The following TACR2 variants were observed in gnomAD, a reference collection of about 807,000 sequenced individuals.
The protein encoded by TACR2 is substance-K receptor.
A neutral mutation model predicts 28.9 loss-of-function variants in TACR2; 24 were observed. The ratio of observed to expected loss-of-function variants is 0.83; its 90% confidence interval spans 0.60 to 1.17. TACR2 has a LOEUF of 1.17. Ranked by LOEUF, TACR2 falls within the 50% of genes most tolerant of loss-of-function variation. The pLI is 0.00. For missense variants in TACR2, 487 were observed against 524.4 expected (o/e 0.93, Z 0.70); for synonymous variants, 222 against 212.6 (o/e 1.04, Z -0.38).
chr10:69,407,047 C>A (rs199769434), intron 4 of TACR2, 37 bp downstream of exon 4: 4 of 1,608,884 alleles, frequency 2.5e-6, no homozygotes, highest in Non-Finnish European at 3.4e-6. Context: ...GCAGTGGGGC[C>A]CTGAGGGCAG....
intron 2 of TACR2, among the ~76,000 whole-genome samples, chr10:69,412,905 A>G (rs1241083087): frequency 6.6e-6 from 1 of 152,150 alleles, no homozygotes; most frequent in East Asian, 1.9e-4. Flanking sequence ...ATCTTGGCTC[A>G]CTGCAACCTC....
At chr10:69,412,715 C>T (rs916602083) in intron 2 of TACR2, among the ~76,000 whole-genome samples, 1 of 152,196 alleles carries the variant, frequency 6.6e-6, no homozygotes, top group Non-Finnish European at 1.5e-5. Flanking sequence ...CTAAGTCCTT[C>T]CTTAGCAGGA....
intron 4 of TACR2, 58 bp from the exon 5 acceptor site, chr10:69,405,142 G>A: frequency 7.0e-7 from 1 of 1,434,642 alleles, no homozygotes. Flanking sequence ...GCTGTGATGT[G>A]ACTGCCCCCA....
chr10:69,405,320 T>C (rs1840492441), intron 4 of TACR2, among the ~76,000 whole-genome samples: 1 of 152,178 alleles, frequency 6.6e-6, no homozygotes, highest in African/African-American at 2.4e-5. Flanking sequence ...ACTAAGCTGA[T>C]TTAGGTCATC....
rs1840484806 is a variant in TACR2 at position 69,404,676 on chromosome 10, C to G, written c.*150G>C. On this transcript the variant is annotated 3_prime_UTR_variant, in exon 5 of 5. Coordinates refer to ENST00000373306, the MANE Select transcript of TACR2 (RefSeq NM_001057.3). Reference sequence around the variant, plus strand: ...GGAAACTGAGGACACCACACTCTTTCTAACAACTTGTTATTTTGGGAACTA... The same window carrying G: ...GGAAACTGAGGACACCACACTCTTTGTAACAACTTGTTATTTTGGGAACTA... The G allele has an allele frequency of 6.3e-6, 3 of 476,286 alleles. No homozygotes were observed. In the South Asian group the frequency reaches 1.3e-4, roughly 21 times the overall value. The allele number at this position is 476,286 out of a possible 1,614,324, so 29.5% of individuals were successfully genotyped here. A position where few individuals can be genotyped will look rare whatever the true frequency, so the allele number is the denominator to read the frequency against.
chr10:69,414,849 A>G (rs1043112454), intron 2 of TACR2, 96 bp downstream of exon 2: 9 of 1,348,450 alleles, frequency 6.7e-6, no homozygotes, highest in Non-Finnish European at 3.1e-6. Flanking sequence ...CACACCACAC[A>G]TGCATGGACA....
At position 69,416,622 on chromosome 10, in the gene TACR2, C is replaced by G. The variant is rs1181604417; in HGVS notation, c.-299G>C. 2 of 324,840 alleles carry G rather than the reference C, an allele frequency of 6.2e-6. No individual in the cohort carries two copies. Among genetic ancestry groups the G allele is most frequent in the Non-Finnish European group, 1.1e-5 (2 of 178,294 alleles). The allele number at this position is 324,840 out of a possible 1,614,324, so 20.1% of individuals were successfully genotyped here. On this transcript the variant is annotated 5_prime_UTR_variant, in exon 1 of 5. Coordinates refer to ENST00000373306, the MANE Select transcript of TACR2 (RefSeq NM_001057.3). ...AATCACAGTGTCAGAGCAGAAAACA[C>G]CCTTATAAATCAACCCCTTCGCTGA...
chr10:69,405,592 T>A (rs1331903449), intron 4 of TACR2, among the ~76,000 whole-genome samples: 1 of 152,054 alleles, frequency 6.6e-6, no homozygotes, highest in African/African-American at 2.4e-5. Flanking sequence ...CAAACAGCTC[T>A]CCCCATGGCA....
Position 69,408,934 on chromosome 10 carries a change from C to T in TACR2, c.729G>A (p.Gln243=), listed in dbSNP as rs1840533239. The T allele has an allele frequency of 1.9e-5, 28 of 1,502,592 alleles. No homozygotes were observed. Among genetic ancestry groups the T allele is most frequent in the East Asian group, 2.7e-5 (1 of 36,574 alleles). The allele number at this position is 1,502,592 out of a possible 1,614,324, so 93.1% of individuals were successfully genotyped here. ...CCCCCGCGCCCACCTTCTTCATGGC[C>T]TGCAGGTGGCGCAGGTTGGCACCGT... ...QAHGANLRHL[Q]AMKKFVKTMV... is the part of the protein sequence containing the mutation. The change falls in exon 3 of 5, where the codon CAG becomes CAA. Residue 243 remains glutamine, a synonymous_variant. Transcript: ENST00000373306.
At chr10:69,409,113 G>T (rs751330420) in intron 2 of TACR2, 38 bp from the exon 3 acceptor site, 2 of 1,502,350 alleles carry the variant, frequency 1.3e-6, no homozygotes, top group Non-Finnish European at 8.9e-7. Context: ...CGGAGGGCCC[G>T]GGGGCGACTC....
rs764218938 is a variant in TACR2, at chr10:69,409,015, G to A, written c.648C>T (p.Ala216=). ...AGAGCGTGAGGCCGATGACGCTGTA[G>A]GCTACAAACATCACCGCGAGCGGCA... ...YFLPLAVMFV[A]YSVIGLTLWR... The change falls in exon 3 of 5, where the codon GCC becomes GCT. Residue 216 remains alanine, a synonymous_variant. Coordinates refer to ENST00000373306, the MANE Select transcript of TACR2 (RefSeq NM_001057.3). The A allele has an allele frequency of 6.2e-7, 1 of 1,608,550 alleles. No homozygotes were observed. The highest frequency in any genetic ancestry group is 1.1e-5 in the South Asian group (1 of 90,412).
intron 2 of TACR2, among the ~76,000 whole-genome samples, chr10:69,414,510 T>C (rs1392022463): frequency 2.0e-5 from 3 of 152,118 alleles, no homozygotes; most frequent in African/African-American, 4.8e-5. Flanking sequence ...GGGTGCATAT[T>C]TGAGTAGCAG....
At position 69,408,910 on chromosome 10, in the gene TACR2, C is replaced by G; in HGVS notation, c.741+12G>C. On this transcript the variant is annotated intron_variant, in intron 3 of 4. Transcript: ENST00000373306. Reference sequence around the variant, plus strand: ...GGCCCCGCCCCCTCCAGGCCCCCGCCCCCGCGCCCACCTTCTTCATGGCCT... The same window carrying G: ...GGCCCCGCCCCCTCCAGGCCCCCGCGCCCGCGCCCACCTTCTTCATGGCCT... The G allele has an allele frequency of 7.6e-7, 1 of 1,323,000 alleles. No individual in the cohort carries two copies. The highest frequency in any genetic ancestry group is 9.7e-7 in the Non-Finnish European group (1 of 1,027,522). The allele number at this position is 1,323,000 out of a possible 1,614,324, so 82.0% of individuals were successfully genotyped here.
In TACR2 at chr10:69,414,989, G is replaced by A. The variant is rs202196664; in HGVS notation, c.543C>T (p.Cys181=). Residue 181 remains cysteine (C), a synonymous_variant, in exon 2 of 5, where the codon TGC becomes TGT. Coordinates refer to ENST00000373306, the MANE Select transcript of TACR2 (RefSeq NM_001057.3). Reference sequence around the variant, plus strand: ...CGCTGTCTTCGGGCCAGGCCACCACGCACTTGGTGGCACCCTGGTCCATGG... The same window carrying A: ...CGCTGTCTTCGGGCCAGGCCACCACACACTTGGTGGCACCCTGGTCCATGG... ...TVTMDQGATK[C]VVAWPEDSGG... 17 of 1,613,654 alleles carry A rather than the reference G, an allele frequency of 1.1e-5. No homozygotes were observed. In the South Asian group the frequency reaches 1.4e-4, roughly 14 times the overall value.
At position 69,416,230 on chromosome 10, in the gene TACR2, G is replaced by T; in HGVS notation, c.94C>A (p.Gln32Lys). 1 of 1,613,984 alleles carries T rather than the reference G, an allele frequency of 6.2e-7. No individual in the cohort carries two copies. Residue 32 changes from glutamine (Q) to lysine (K), a missense_variant, in exon 1 of 5, where the codon CAA becomes AAA. Transcript: ENST00000373306. Reference protein sequence around the residue: ...GITAFSMPSWQLALWATAYLA... With the variant: ...GITAFSMPSWKLALWATAYLA... ...TAGGCTGTGGCCCACAGTGCCAGTT[G>T]CCAGCTGGGCATGGAGAAGGCTGTG...
intron 2 of TACR2, among the ~76,000 whole-genome samples, chr10:69,412,728 C>T (rs546993784): frequency 3.3e-5 from 5 of 152,168 alleles, no homozygotes; most frequent in Non-Finnish European, 5.9e-5. Context: ...TAGCAGGAGC[C>T]ACACTCCTCT....
At chr10:69,414,518 C>T (rs1840595294) in intron 2 of TACR2, among the ~76,000 whole-genome samples, 1 of 152,096 alleles carries the variant, frequency 6.6e-6, no homozygotes, top group African/African-American at 2.4e-5. Flanking sequence ...ATTTGAGTAG[C>T]AGAGTGGTGA....
chr10:69,405,511 C>CT (rs1840494386), intron 4 of TACR2, among the ~76,000 whole-genome samples: 1 of 152,178 alleles, frequency 6.6e-6, no homozygotes, highest in Non-Finnish European at 1.5e-5. Context: ...AACAAGGATG[C>CT]TTTTCCCAAG....
chr10:69,405,790 C>G (rs1362634008), intron 4 of TACR2, among the ~76,000 whole-genome samples: 1 of 152,200 alleles, frequency 6.6e-6, no homozygotes, highest in Admixed American at 6.5e-5. Flanking sequence ...GATCAACCCA[C>G]AGACACAGTG....
Sources: allele counts gnomAD v4.1 joint callset (sites outside exome capture counted in the v4.1 genomes callset), GRCh38; gene constraint gnomAD v4.1.1; transcripts MANE v1.5; gene names NCBI Gene and HGNC (gene_info 2026-07-23, HGNC 2026-07-21).